Variants in FAM227B observed in about 807,000 individuals in gnomAD.
The protein encoded by FAM227B is family with sequence similarity 227 member B, also known as protein FAM227B.
Under a neutral mutation model 73.8 loss-of-function variants are expected in FAM227B, and 88 were observed. That is an observed-to-expected ratio of 1.19 (90% confidence interval 1.00 to 1.42). FAM227B has a LOEUF of 1.42. Among genes scored for constraint, FAM227B ranks in the 40% most tolerant of loss-of-function variants. The pLI is 0.00. For missense variants in FAM227B, 632 were observed against 590.9 expected (o/e 1.07, Z -0.72); for synonymous variants, 210 against 190.5 (o/e 1.10, Z -0.84).
intron 13 of FAM227B, among the ~76,000 whole-genome samples, chr15:49,351,663 A>G: frequency 6.6e-6 from 1 of 152,194 alleles, no homozygotes; most frequent in East Asian, 1.9e-4. Flanking sequence ...GTGCTCTTGG[A>G]ATCAATACCT....
chr15:49,574,953 G>A (rs887225708), intron 8 of FAM227B, 58 bp downstream of exon 8: 2 of 1,140,176 alleles, frequency 1.8e-6, no homozygotes, highest in African/African-American at 3.2e-5. Context: ...TATCTCTATT[G>A]AAAAATTAAT....
intron 13 of FAM227B, among the ~76,000 whole-genome samples, chr15:49,351,720 A>C (rs1473268574): frequency 6.6e-6 from 1 of 151,432 alleles, no homozygotes; most frequent in Non-Finnish European, 1.5e-5. Flanking sequence ...GAAAAGTTGA[A>C]CCCTGATAAC....
chr15:49,492,840 G>A (rs1474225932), intron 11 of FAM227B, among the ~76,000 whole-genome samples: 1 of 151,818 alleles, frequency 6.6e-6, no homozygotes, highest in East Asian at 1.9e-4. Context: ...CAGTTTTTAT[G>A]GAGCTGGAAG....
rs137904528 is a variant in FAM227B at position 49,578,138 on chromosome 15, A to G, written c.406-474T>C. 3.5e-3 allele frequency among the ~76,000 whole-genome samples: 540 copies of G among 152,340 alleles called. 3 individuals carry two copies. Among genetic ancestry groups the G allele is most frequent in the African/African-American group, 0.012 (510 of 41,578 alleles). On this transcript the variant is annotated intron_variant, in intron 5 of 15. Coordinates refer to ENST00000299338, the MANE Select transcript of FAM227B (RefSeq NM_152647.3). The stretch of plus-strand genomic sequence containing the variant: ...AAAGAAGAGTTCTAGAGCTGAAAGT[A>G]TTGATCAGAGCTGTCCTGCATTGGA...
At chr15:49,576,002 T>G (rs1435291704) in intron 7 of FAM227B, 1 of 152,216 alleles carries the variant, frequency 6.6e-6, no homozygotes, top group African/African-American at 2.4e-5. Context: ...TATGAATTCC[T>G]CTTCAAGTAC....
intron 3 of FAM227B, among the ~76,000 whole-genome samples, chr15:49,591,484 CTTTTTTTTTTTTTT>C (rs71120696): frequency 1.8e-5 from 1 of 55,348 alleles, no homozygotes; most frequent in South Asian, 6.7e-4. Context: ...CCCTTCCTTC[CTTTTTTTTTTTTTT>C]TTTTTTTTTT....
In FAM227B at chr15:49,371,412, AT is replaced by A. The variant is rs772941061; in HGVS notation, c.1013-14del. The A allele has an allele frequency of 1.4e-6, 2 of 1,446,842 alleles. No homozygotes were observed. Among genetic ancestry groups the A allele is most frequent in the Admixed American group, 2.0e-5 (1 of 49,570 alleles). 89.6% of individuals were successfully genotyped at this position (1,446,842 alleles called of 1,614,324 possible). A position where few individuals can be genotyped will look rare whatever the true frequency, so the allele number is the denominator to read the frequency against. ...TTGAAGTCGATACCTAAAACAGAAA[AT>A]AAAATACTTTTTAAAATTCTGGTAT... On this transcript the variant is annotated splice_polypyrimidine_tract_variant and intron_variant, in intron 11 of 15. Transcript: ENST00000299338.
intron 10 of FAM227B, among the ~76,000 whole-genome samples, chr15:49,537,538 A>G (rs1020251039): frequency 3.9e-5 from 6 of 152,256 alleles, no homozygotes; most frequent in Middle Eastern, 3.4e-3. Context: ...TAGAACTACC[A>G]TGTGACCCAG....
At chr15:49,620,420 G>A (rs763154778) in intron 1 of FAM227B, among the ~76,000 whole-genome samples, 1 of 152,128 alleles carries the variant, frequency 6.6e-6, no homozygotes, top group Non-Finnish European at 1.5e-5. Flanking sequence ...CATTGTTTGG[G>A]GAGAGGCACG....
chr15:49,390,755 G>A (rs2047162160), intron 11 of FAM227B, among the ~76,000 whole-genome samples: 1 of 151,880 alleles, frequency 6.6e-6, no homozygotes, highest in South Asian at 2.1e-4. Context: ...GTGAAAAAAT[G>A]GGCATATACA....
chr15:49,332,942 G>C (rs1299413406), intron 14 of FAM227B, among the ~76,000 whole-genome samples: 1 of 151,988 alleles, frequency 6.6e-6, no homozygotes, highest in African/African-American at 2.4e-5. Context: ...GTCTTCTCAA[G>C]CTGAGTTTCC....
At chr15:49,499,324 A>T (rs1463125019) in intron 11 of FAM227B, among the ~76,000 whole-genome samples, 1 of 152,142 alleles carries the variant, frequency 6.6e-6, no homozygotes, top group Non-Finnish European at 1.5e-5. Context: ...AAAATTGAAA[A>T]TTTAAAATGC....
In FAM227B at chr15:49,587,588, A is replaced by T. The variant is rs181609691; in HGVS notation, c.405+428T>A. 1.1e-3 allele frequency among the ~76,000 whole-genome samples: 170 copies of T among 152,300 alleles called. 1 individual carries two copies. Among genetic ancestry groups the T allele is most frequent in the Middle Eastern group, 6.8e-3 (2 of 294 alleles). ...TTATATAATTTTAGAACATATTTTT[A>T]AAAAGACTAAGTATCTGAAAGTAAT... On this transcript the variant is annotated intron_variant, in intron 5 of 15. Transcript: ENST00000299338.
intron 11 of FAM227B, among the ~76,000 whole-genome samples, chr15:49,461,038 C>T (rs952480174): frequency 3.4e-4 from 51 of 152,098 alleles, no homozygotes; most frequent in African/African-American, 1.2e-3. Context: ...CCTGAAAATA[C>T]TACCCTTCAT....
intron 11 of FAM227B, among the ~76,000 whole-genome samples, chr15:49,378,824 C>A (rs1408653917): frequency 6.6e-6 from 1 of 152,098 alleles, no homozygotes; most frequent in Non-Finnish European, 1.5e-5. Context: ...CTAGCTAGGA[C>A]TTCCAGTACT....
At chr15:49,528,651 T>C (rs1211494250) in intron 10 of FAM227B, among the ~76,000 whole-genome samples, 1 of 151,556 alleles carries the variant, frequency 6.6e-6, no homozygotes, top group African/African-American at 2.4e-5. Flanking sequence ...AAACACTCCA[T>C]TAAAAAGTGG....
rs117364220 is a variant in FAM227B, at chr15:49,335,499, G to A, written c.1272-3C>T. On this transcript the variant is annotated splice_region_variant and splice_polypyrimidine_tract_variant and intron_variant, in intron 13 of 15. Coordinates refer to ENST00000299338, the MANE Select transcript of FAM227B (RefSeq NM_152647.3). ...CACGGTATGTTGGAGCAGGTAGTGT[G>A]CTAGGCTTATTATTAAGGAATGATT... The A allele has an allele frequency of 2.9e-5, 46 of 1,609,478 alleles. No individual in the cohort carries two copies. The highest frequency in any genetic ancestry group is 4.0e-5 in the African/African-American group (3 of 74,946).
intron 13 of FAM227B, among the ~76,000 whole-genome samples, chr15:49,352,455 T>A (rs1186105152): frequency 1.3e-5 from 2 of 152,182 alleles, no homozygotes; most frequent in African/African-American, 4.8e-5. Context: ...TATCAGCAGC[T>A]GAGGAAATCC....
In FAM227B at chr15:49,567,939, T is replaced by C. The variant is rs142257610; in HGVS notation, c.747+306A>G. On this transcript the variant is annotated intron_variant, in intron 9 of 15. Coordinates refer to ENST00000299338, the MANE Select transcript of FAM227B (RefSeq NM_152647.3). The stretch of plus-strand genomic sequence containing the variant: ...AAAGTAAAAGAAAAGTCATAAATAA[T>C]TTTGTAGGTAAACAGAAAAAAAAAC... 9.9e-5 allele frequency among the ~76,000 whole-genome samples: 15 copies of C among 152,124 alleles called. No homozygotes were observed. In the East Asian group the frequency reaches 2.5e-3, roughly 25 times the overall value.
Sources: allele counts gnomAD v4.1 joint callset (sites outside exome capture counted in the v4.1 genomes callset), GRCh38; gene constraint gnomAD v4.1.1; transcripts MANE v1.5; gene names NCBI Gene and HGNC (gene_info 2026-07-23, HGNC 2026-07-21).